Variants in HSPA4 observed in about 807,000 individuals in gnomAD.
The protein encoded by HSPA4 is heat shock 70 kDa protein 4.
A neutral mutation model predicts 106.2 loss-of-function variants in HSPA4; 25 were observed. That is an observed-to-expected ratio of 0.24 (90% confidence interval 0.17 to 0.33). The LOEUF (loss-of-function observed/expected upper bound fraction) is 0.33, where lower values mean the gene tolerates loss of function less well. Ranked by LOEUF, HSPA4 falls within the 10% of genes least tolerant of loss-of-function variation. The pLI, the probability that HSPA4 is intolerant of heterozygous loss-of-function variation, is 1.00. For missense variants in HSPA4, 841 were observed against 996.0 expected (o/e 0.84, Z 2.10); for synonymous variants, 332 against 333.6 (o/e 1.00, Z 0.05).
chr5:133,077,448 G>GGCTGGTC (rs1171963860), intron 7 of HSPA4, among the ~76,000 whole-genome samples: 1 of 152,184 alleles, frequency 6.6e-6, no homozygotes, highest in Non-Finnish European at 1.5e-5. Flanking sequence ...ATGTTGGCCA[G>GGCTGGTC]GCTGGTCTCA....
chr5:133,056,029 G>A (rs1765160756), intron 1 of HSPA4, among the ~76,000 whole-genome samples: 1 of 152,160 alleles, frequency 6.6e-6, no homozygotes, highest in East Asian at 1.9e-4. Flanking sequence ...AGTGAACCGA[G>A]ATCATGCACT....
chr5:133,101,729 C>A, intron 16 of HSPA4, 30 bp from the exon 17 acceptor site: 1 of 1,597,196 alleles, frequency 6.3e-7, no homozygotes, highest in South Asian at 1.1e-5. Context: ...GTTGAACTGC[C>A]GTATGAAGAC....
intron 4 of HSPA4, among the ~76,000 whole-genome samples, chr5:133,071,672 G>T (rs886383916): frequency 1.3e-5 from 2 of 152,108 alleles, no homozygotes; most frequent in African/African-American, 4.8e-5. Flanking sequence ...CTTAATGTTG[G>T]TGCATTGATT....
intron 13 of HSPA4, 32 bp from the exon 14 acceptor site, chr5:133,096,064 ATG>A (rs1765707581): frequency 6.3e-7 from 1 of 1,595,180 alleles, no homozygotes; most frequent in African/African-American, 1.3e-5. Flanking sequence ...TAGTCTGTAT[ATG>A]TGTTTGTTCT....
intron 7 of HSPA4, among the ~76,000 whole-genome samples, chr5:133,078,189 G>A (rs980119323): frequency 6.6e-6 from 1 of 152,028 alleles, no homozygotes; most frequent in African/African-American, 2.4e-5. Context: ...GAAATTAGCC[G>A]GGTATGGTGG....
chr5:133,104,093 A>T (rs1022207390), intron 18 of HSPA4, 67 bp downstream of exon 18: 2 of 1,431,712 alleles, frequency 1.4e-6, no homozygotes, highest in Non-Finnish European at 1.9e-6. Flanking sequence ...CTCAAGTGAC[A>T]CTTAGGAGGG....
Position 133,052,160 on chromosome 5 carries a change from A to C in HSPA4, c.-91A>C. 1 of 844,600 alleles carries C rather than the reference A, an allele frequency of 1.2e-6. No individual in the cohort carries two copies. Among genetic ancestry groups the C allele is most frequent in the Non-Finnish European group, 1.9e-6 (1 of 529,780 alleles). 52.3% of individuals were successfully genotyped at this position (844,600 alleles called of 1,614,324 possible). ...AGCCCCTCAGTAGCCTCGGCCCAAG[A>C]GGCCTGCTTTCCACTCGCTAGCCCC... is the stretch of plus-strand genomic sequence containing the variant. On this transcript the variant is annotated 5_prime_UTR_variant, in exon 1 of 19. Coordinates refer to ENST00000304858, the MANE Select transcript of HSPA4 (RefSeq NM_002154.4).
intron 3 of HSPA4, among the ~76,000 whole-genome samples, chr5:133,069,225 G>C (rs1183072379): frequency 7.2e-6 from 1 of 138,876 alleles, no homozygotes; most frequent in Admixed American, 6.9e-5. Flanking sequence ...TTATCTTGAA[G>C]CTTTGTTCAT....
intron 15 of HSPA4, among the ~76,000 whole-genome samples, chr5:133,099,064 C>T (rs1438565101): frequency 6.6e-6 from 1 of 152,196 alleles, no homozygotes; most frequent in Non-Finnish European, 1.5e-5. Context: ...CTCCCCATAC[C>T]TATCAAGTAG....
chr5:133,097,338 T>C (rs984659415), intron 15 of HSPA4, 52 bp downstream of exon 15: 2 of 1,552,954 alleles, frequency 1.3e-6, no homozygotes, highest in Non-Finnish European at 1.8e-6. Flanking sequence ...TGAACATCTT[T>C]AAGTGGGTTA....
intron 1 of HSPA4, among the ~76,000 whole-genome samples, chr5:133,057,852 A>G (rs1255398209): frequency 6.6e-6 from 1 of 152,230 alleles, no homozygotes; most frequent in Non-Finnish European, 1.5e-5. Flanking sequence ...GAAGTGTAAG[A>G]TAGAGATTCC....
At chr5:133,060,369 CTT>C (rs879707426) in intron 1 of HSPA4, among the ~76,000 whole-genome samples, 5 of 144,696 alleles carry the variant, frequency 3.5e-5, no homozygotes, top group Non-Finnish European at 3.1e-5. Flanking sequence ...TGCTGTTATA[CTT>C]TTTTTTTTTT....
intron 11 of HSPA4, among the ~76,000 whole-genome samples, chr5:133,090,812 T>C (rs1185283722): frequency 6.6e-6 from 1 of 152,226 alleles, no homozygotes; most frequent in African/African-American, 2.4e-5. Flanking sequence ...AATGGCAATT[T>C]ACTGATAAAC....
At chr5:133,057,436 G>A (rs914167843) in intron 1 of HSPA4, among the ~76,000 whole-genome samples, 1 of 149,752 alleles carries the variant, frequency 6.7e-6, no homozygotes, top group African/African-American at 2.5e-5. Flanking sequence ...TTGGCTCACT[G>A]CAACCTCCGC....
At chr5:133,091,147 T>A in intron 11 of HSPA4, 46 bp from the exon 12 acceptor site, 1 of 1,458,910 alleles carries the variant, frequency 6.9e-7, no homozygotes, top group Non-Finnish European at 9.6e-7. Context: ...ATGCTTGAAT[T>A]CATCCTCTTA....
intron 17 of HSPA4, among the ~76,000 whole-genome samples, chr5:133,102,679 A>G (rs1402639773): frequency 6.6e-6 from 1 of 152,144 alleles, no homozygotes; most frequent in Non-Finnish European, 1.5e-5. Flanking sequence ...GGTTCTTGAC[A>G]TATTGTTAGT....
At chr5:133,074,451 T>A (rs2126702889) in intron 6 of HSPA4, among the ~76,000 whole-genome samples, 1 of 152,272 alleles carries the variant, frequency 6.6e-6, no homozygotes, top group East Asian at 1.9e-4. Context: ...GCTAATTTTG[T>A]ATTTTTAGTA....
intron 4 of HSPA4, among the ~76,000 whole-genome samples, chr5:133,072,099 G>T (rs1464416705): frequency 1.3e-5 from 2 of 152,132 alleles, no homozygotes; most frequent in Non-Finnish European, 2.9e-5. Flanking sequence ...AAGTTAAAAG[G>T]TGATAGTGTT....
chr5:133,061,706 A>G (rs1473027245), intron 1 of HSPA4, among the ~76,000 whole-genome samples: 2 of 151,838 alleles, frequency 1.3e-5, no homozygotes, highest in South Asian at 4.2e-4. Context: ...TACAACCTCC[A>G]CATCCTGGGT....
Sources: gnomAD v4.1 joint callset for allele counts (sites outside exome capture counted in the v4.1 genomes callset) on GRCh38, gnomAD v4.1.1 for gene constraint, MANE v1.5 for transcripts, NCBI Gene and HGNC (gene_info 2026-07-23, HGNC 2026-07-21) for gene names.